DPYD: variants seen among roughly 807,000 people sequenced by gnomAD.
DPYD encodes dihydropyrimidine dehydrogenase.
DPYD carries 109 observed loss-of-function variants against 116.2 expected under a neutral mutation model. That is an observed-to-expected ratio of 0.94 (90% confidence interval 0.80 to 1.10). DPYD has a LOEUF of 1.10. DPYD is among the 50% of genes least tolerant of loss of function. The probability of loss-of-function intolerance (pLI) is 0.00; values close to 1 mark genes in which losing one functional copy is unlikely to be tolerated. For synonymous variants in DPYD, 440 were observed against 432.0 expected (o/e 1.02, Z -0.23); for missense variants, 1,302 against 1,254.5 (o/e 1.04, Z -0.57).
At chr1:97,424,146 T>C (rs550432862) in intron 14 of DPYD, among the ~76,000 whole-genome samples, 25 of 152,270 alleles carry the variant, frequency 1.6e-4, no homozygotes, top group Admixed American at 7.2e-4. Flanking sequence ...TTAAAAGCTG[T>C]TCATAAGTTT....
Position 97,881,270 on chromosome 1 carries a change from G to A in DPYD, c.150+1994C>T, listed in dbSNP as rs72979785. On this transcript the variant is annotated intron_variant, in intron 2 of 22. Coordinates refer to ENST00000370192, the MANE Select transcript of DPYD (RefSeq NM_000110.4). ...AGCCGATGTCCTTATTTGGACACAC[G>A]CACACCCAAAGTGAAAAACTCAGGG... Among the ~76,000 whole-genome samples the A allele has an allele frequency of 9.9e-3, 1,510 of 151,928 alleles. 31 individuals carry two copies. Among genetic ancestry groups the A allele is most frequent in the African/African-American group, 0.032 (1,330 of 41,468 alleles).
intron 13 of DPYD, among the ~76,000 whole-genome samples, chr1:97,498,288 C>G (rs1679383492): frequency 6.6e-6 from 1 of 151,654 alleles, no homozygotes. Flanking sequence ...TGAAAAGTTA[C>G]ACTTTAAAGA....
At chr1:97,323,927 C>T (rs553768862) in intron 16 of DPYD, among the ~76,000 whole-genome samples, 1 of 151,832 alleles carries the variant, frequency 6.6e-6, no homozygotes, top group Non-Finnish European at 1.5e-5. Context: ...ACTCTTTCTA[C>T]TGTCTTGCAA....
intron 3 of DPYD, among the ~76,000 whole-genome samples, chr1:97,779,198 T>C (rs1175424350): frequency 6.6e-6 from 1 of 152,096 alleles, no homozygotes; most frequent in Admixed American, 6.5e-5. Flanking sequence ...ATATAACTGA[T>C]TACATGCTGG....
intron 1 of DPYD, among the ~76,000 whole-genome samples, chr1:97,901,861 CAAA>C (rs1256287317): frequency 6.6e-6 from 1 of 151,698 alleles, no homozygotes; most frequent in African/African-American, 2.4e-5. Context: ...GCTCTGGTAT[CAAA>C]AATACATTTA....
chr1:97,127,795 T>G (rs1174365049), intron 20 of DPYD, among the ~76,000 whole-genome samples: 3 of 152,190 alleles, frequency 2.0e-5, no homozygotes, highest in Non-Finnish European at 4.4e-5. Context: ...TTACAGCTCC[T>G]GTATTGTTTC....
chr1:97,856,925 G>T (rs1018742928), intron 2 of DPYD: 1 of 152,210 alleles, frequency 6.6e-6, no homozygotes, highest in Non-Finnish European at 1.5e-5. Flanking sequence ...TTCAGGTTCT[G>T]GTGCTCTGAA....
chr1:97,868,021 T>C (rs1192448543), intron 2 of DPYD, among the ~76,000 whole-genome samples: 1 of 151,464 alleles, frequency 6.6e-6, no homozygotes, highest in Non-Finnish European at 1.5e-5. Flanking sequence ...ATTCTGTAAA[T>C]TTACAAAATA....
chr1:97,227,959 T>C (rs995156184), intron 19 of DPYD, among the ~76,000 whole-genome samples: 3 of 151,992 alleles, frequency 2.0e-5, no homozygotes, highest in Non-Finnish European at 4.4e-5. Flanking sequence ...TTTTCTTCAA[T>C]AAAAATTTTC....
chr1:97,430,395 G>A (rs2101727410), intron 14 of DPYD, among the ~76,000 whole-genome samples: 1 of 152,256 alleles, frequency 6.6e-6, no homozygotes, highest in Admixed American at 6.5e-5. Context: ...TTCTAAATGA[G>A]AAGAATAATT....
intron 20 of DPYD, among the ~76,000 whole-genome samples, chr1:97,192,419 T>C (rs545861202): frequency 2.6e-4 from 39 of 152,260 alleles, no homozygotes; most frequent in African/African-American, 7.5e-4. Context: ...CCTCCCCTCA[T>C]TGAGGGCTCA....
intron 19 of DPYD, among the ~76,000 whole-genome samples, chr1:97,209,790 C>A (rs566470890): frequency 1.3e-5 from 2 of 152,234 alleles, no homozygotes; most frequent in South Asian, 2.1e-4. Flanking sequence ...AGGTCTATCA[C>A]TGTGGGATTA....
chr1:97,860,891 G>A (rs4970720), intron 2 of DPYD, among the ~76,000 whole-genome samples: 109,356 of 151,760 alleles, frequency 0.72, 40,175 homozygotes, highest in East Asian at 0.93. Flanking sequence ...AAAAAAAAAG[G>A]AGGGACTTAA....
At chr1:97,178,047 G>A (rs1054349519) in intron 20 of DPYD, among the ~76,000 whole-genome samples, 12 of 152,044 alleles carry the variant, frequency 7.9e-5, no homozygotes, top group African/African-American at 2.7e-4. Context: ...CATCACCTTG[G>A]CAGTTAAGAT....
At chr1:97,789,249 T>C (rs558887093) in intron 3 of DPYD, among the ~76,000 whole-genome samples, 57 of 152,298 alleles carry the variant, frequency 3.7e-4, no homozygotes, top group African/African-American at 1.3e-3. Context: ...ATCTACTAAT[T>C]ACCCAGTATT....
At chr1:97,501,360 A>G (rs1006076849) in intron 13 of DPYD, among the ~76,000 whole-genome samples, 1 of 152,016 alleles carries the variant, frequency 6.6e-6, no homozygotes, top group African/African-American at 2.4e-5. Context: ...TGCCTATAGT[A>G]ACTTGAGTAA....
At chr1:97,362,779 T>A (rs946279886) in intron 16 of DPYD, among the ~76,000 whole-genome samples, 5 of 152,194 alleles carry the variant, frequency 3.3e-5, no homozygotes, top group African/African-American at 1.2e-4. Flanking sequence ...GATCCCTTCC[T>A]TACACCTTAC....
At chr1:97,206,638 TTATA>T (rs57893705) in intron 19 of DPYD, among the ~76,000 whole-genome samples, 1,909 of 48,784 alleles carry the variant, frequency 0.039, 43 homozygotes, top group Non-Finnish European at 0.059. Flanking sequence ...CAGGGAGATT[TTATA>T]TATATATATA....
chr1:97,556,389 T>C (rs1345817884), intron 11 of DPYD, among the ~76,000 whole-genome samples: 2 of 151,386 alleles, frequency 1.3e-5, no homozygotes, highest in African/African-American at 4.9e-5. Flanking sequence ...AGTTTTAGGG[T>C]ACATGTGCAC....
Sources: allele counts gnomAD v4.1 joint callset (sites outside exome capture counted in the v4.1 genomes callset), GRCh38; gene constraint gnomAD v4.1.1; transcripts MANE v1.5; gene names NCBI Gene and HGNC (gene_info 2026-07-23, HGNC 2026-07-21).